The following ME1 variants were observed in gnomAD, a reference collection of about 807,000 sequenced individuals.
ME1 encodes malic enzyme 1.
Under a neutral mutation model 66.4 loss-of-function variants are expected in ME1, and 74 were observed. The ratio of observed to expected loss-of-function variants is 1.11; its 90% CI spans 0.92 to 1.35. The LOEUF is 1.35. Among genes scored for constraint, ME1 ranks in the 40% most tolerant of loss-of-function variants. ME1 has a pLI of 0.00. For synonymous variants in ME1, 251 were observed against 235.6 expected (o/e 1.07, Z -0.60); for missense variants, 750 against 694.1 (o/e 1.08, Z -0.90).
chr6:83,237,280 G>GAAAGAAAGA lies in ME1; in HGVS notation c.1026+436_1026+437insTCTTTCTTT, dbSNP rs1562455285. Among the ~76,000 whole-genome samples, 164 of 21,596 alleles carry GAAAGAAAGA rather than the reference G, an allele frequency of 7.6e-3. 12 individuals carry two copies. The highest frequency in any genetic ancestry group is 9.5e-3 in the African/African-American group (68 of 7,122). 14.2% of individuals were successfully genotyped at this position (21,596 alleles called of 152,430 possible). On this transcript the variant is annotated intron_variant, in intron 9 of 13. Transcript: ENST00000369705. ...GAAAGAAAGAAAGAAAGAAAGAAAG[G>GAAAGAAAGA]AAGGAAGGAAGGAAAGAAAGAAAAA... is the stretch of plus-strand genomic sequence containing the variant.
chr6:83,247,682 T>C (rs188618774), intron 7 of ME1, among the ~76,000 whole-genome samples: 19 of 152,192 alleles, frequency 1.2e-4, no homozygotes, highest in Admixed American at 2.0e-4. Flanking sequence ...GTGGGCATAA[T>C]GGTAAGAACA....
chr6:83,326,023 A>C (rs1768283522), intron 5 of ME1, among the ~76,000 whole-genome samples: 1 of 151,864 alleles, frequency 6.6e-6, no homozygotes, highest in South Asian at 2.1e-4. Flanking sequence ...ACAGTAACCC[A>C]AACAGCATGG....
chr6:83,413,426 TTATA>T (rs1352393932), intron 1 of ME1, among the ~76,000 whole-genome samples: 1 of 152,144 alleles, frequency 6.6e-6, no homozygotes, highest in Non-Finnish European at 1.5e-5. Flanking sequence ...TTCAAATGAA[TTATA>T]TATATTTTAT....
rs546929243 is a variant in ME1 at position 83,369,639 on chromosome 6, AAG to A, written c.363-17502_363-17501del. On this transcript the variant is annotated intron_variant, in intron 3 of 13. Coordinates refer to ENST00000369705, the MANE Select transcript of ME1 (RefSeq NM_002395.6). The stretch of plus-strand genomic sequence containing the variant: ...TGACCTTGTCAGAAAAAGAAAAGAA[AAG>A]AGAGACAGAGAGAGGAAGGAAGGAA... Among the ~76,000 whole-genome samples the A allele has an allele frequency of 5.4e-3, 814 of 150,546 alleles. 6 individuals carry two copies. The highest frequency in any genetic ancestry group is 0.019 in the African/African-American group (767 of 40,678).
At chr6:83,375,858 G>T (rs1769278117) in intron 3 of ME1, among the ~76,000 whole-genome samples, 1 of 152,062 alleles carries the variant, frequency 6.6e-6, no homozygotes, top group Non-Finnish European at 1.5e-5. Flanking sequence ...TAATCATGTG[G>T]TTTTTGTCAT....
chr6:83,422,831 T>C (rs1253439865), intron 1 of ME1, among the ~76,000 whole-genome samples: 8 of 152,108 alleles, frequency 5.3e-5, no homozygotes, highest in Admixed American at 2.0e-4. Flanking sequence ...AGTAGGCCTT[T>C]TGATACTATC....
At chr6:83,355,416 T>C (rs919317398) in intron 3 of ME1, among the ~76,000 whole-genome samples, 1 of 152,160 alleles carries the variant, frequency 6.6e-6, no homozygotes, top group Non-Finnish European at 1.5e-5. Flanking sequence ...AACACCATTT[T>C]TTTAAATAAG....
chr6:83,235,861 TTTC>T (rs1790392151), intron 9 of ME1, among the ~76,000 whole-genome samples: 1 of 152,138 alleles, frequency 6.6e-6, no homozygotes, highest in African/African-American at 2.4e-5. Context: ...GCATATATTT[TTTC>T]TTCATTTAAA....
At position 83,356,178 on chromosome 6, in the gene ME1, A is replaced by G. The variant is rs79505918; in HGVS notation, c.363-4039T>C. ...ATCAAACTTGTATTTCATTTTGGAG[A>G]TAAGTTTATGACCCTGATCCTGGAT... On this transcript the variant is annotated intron_variant, in intron 3 of 13. Transcript: ENST00000369705. Among the ~76,000 whole-genome samples, 72 of 152,216 alleles carry G rather than the reference A, an allele frequency of 4.7e-4. No homozygotes were observed. In the East Asian group the frequency reaches 0.013, roughly 28 times the overall value.
intron 9 of ME1, among the ~76,000 whole-genome samples, chr6:83,230,427 TCTC>T (rs1327623869): frequency 1.4e-4 from 22 of 152,260 alleles, no homozygotes. Flanking sequence ...TTTGTGCTTG[TCTC>T]CTCATCTGTA....
intron 7 of ME1, among the ~76,000 whole-genome samples, chr6:83,251,631 T>C (rs1443028096): frequency 1.3e-5 from 2 of 152,100 alleles, no homozygotes; most frequent in Non-Finnish European, 2.9e-5. Context: ...AATGTCATAA[T>C]TGAGATGAGA....
chr6:83,244,142 A>C (rs1790571016), intron 7 of ME1, among the ~76,000 whole-genome samples: 1 of 151,930 alleles, frequency 6.6e-6, no homozygotes, highest in Non-Finnish European at 1.5e-5. Context: ...ACTGGCAGAA[A>C]GGTAGTATCA....
intron 6 of ME1, among the ~76,000 whole-genome samples, chr6:83,307,118 C>T (rs898750365): frequency 6.6e-6 from 1 of 151,936 alleles, no homozygotes; most frequent in East Asian, 1.9e-4. Flanking sequence ...TATACATCCA[C>T]TTTAAATCCA....
chr6:83,427,417 AAT>A (rs1264317564), intron 1 of ME1, among the ~76,000 whole-genome samples: 2 of 152,190 alleles, frequency 1.3e-5, no homozygotes, highest in African/African-American at 4.8e-5. Context: ...AAGTAATTAA[AAT>A]TTCATGAGAT....
intron 6 of ME1, among the ~76,000 whole-genome samples, chr6:83,260,465 T>A (rs1766862394): frequency 6.6e-6 from 1 of 152,188 alleles, no homozygotes; most frequent in Non-Finnish European, 1.5e-5. Flanking sequence ...ACAAGGTAGT[T>A]CTATAGGTAA....
rs76747035 is a variant in ME1, at chr6:83,400,186, G to A, written c.213-1670C>T. 7.8e-3 allele frequency among the ~76,000 whole-genome samples: 1,189 copies of A among 152,260 alleles called. 6 individuals are homozygous for A. The highest frequency in any genetic ancestry group is 0.012 in the Non-Finnish European group (821 of 68,024). On this transcript the variant is annotated intron_variant, in intron 2 of 13. Transcript: ENST00000369705. ...CTCATGTTGAAATGTAATCCCCAGT[G>A]CTGGAGTTGGGTCCTGGTGGGTATT...
At chr6:83,221,330 G>A (rs1790087711) in intron 12 of ME1, among the ~76,000 whole-genome samples, 1 of 152,188 alleles carries the variant, frequency 6.6e-6, no homozygotes, top group Admixed American at 6.5e-5. Context: ...GTCACAAAAA[G>A]ATTCCAGGAT....
At chr6:83,247,747 G>T (rs143260177) in intron 7 of ME1, among the ~76,000 whole-genome samples, 2 of 152,086 alleles carry the variant, frequency 1.3e-5, no homozygotes, top group Non-Finnish European at 2.9e-5. Context: ...ATAAGGGCAC[G>T]ATTTTGCATG....
intron 7 of ME1, among the ~76,000 whole-genome samples, chr6:83,250,879 G>A (rs1790711266): frequency 6.6e-6 from 1 of 152,198 alleles, no homozygotes. Context: ...TAGGGCTTGT[G>A]TGCCATTCAG....
Sources: gnomAD v4.1 joint callset for allele counts (sites outside exome capture counted in the v4.1 genomes callset) on GRCh38, gnomAD v4.1.1 for gene constraint, MANE v1.5 for transcripts, NCBI Gene and HGNC (gene_info 2026-07-23, HGNC 2026-07-21) for gene names.